Variants in SH3KBP1 observed in about 807,000 individuals in gnomAD.
SH3KBP1 encodes the protein SH3 domain-containing kinase-binding protein 1.
In SH3KBP1, 8 loss-of-function variants were observed where a neutral mutation model predicts 50.1. The observed-to-expected ratio is 0.16, with a 90% CI of 0.09 to 0.29. The LOEUF (loss-of-function observed/expected upper bound fraction) is 0.29, where lower values mean the gene tolerates loss of function less well. Ranked by LOEUF, SH3KBP1 falls within the 10% of genes least tolerant of loss-of-function variation. The probability of loss-of-function intolerance (pLI) is 1.00; values close to 1 mark genes in which losing one functional copy is unlikely to be tolerated. For synonymous variants in SH3KBP1, 227 were observed against 218.6 expected (o/e 1.04, Z -0.34); for missense variants, 377 against 535.2 (o/e 0.70, Z 2.92).
At position 19,631,941 on chromosome X, in the gene SH3KBP1, C is replaced by T. The variant is rs1414849151; in HGVS notation, c.820G>A (p.Val274Ile). Residue 274 changes from valine (V) to isoleucine (I), a missense_variant, in exon 8 of 18, where the codon GTA becomes ATA. By Grantham distance (29) the Val-to-Ile change is conservative. Coordinates refer to ENST00000397821, the MANE Select transcript of SH3KBP1 (RefSeq NM_031892.3). ...TTCTGTGCCTCATATGGAAATATTA[C>T]TTTGCAGTAATCCTTGCCTATAAGA... ...SRTKSKDYCKVIFPYEAQNDD... is the reference protein window; with the variant it reads ...SRTKSKDYCKIIFPYEAQNDD... 8.5e-7 allele frequency: 1 copy of T among 1,180,104 alleles called. No homozygotes were observed. The highest frequency in any genetic ancestry group is 1.1e-6 in the Non-Finnish European group (1 of 870,833).
In SH3KBP1 at chrX:19,592,157, A is replaced by G. The variant is rs748889986; in HGVS notation, c.1058-10T>C. On this transcript the variant is annotated splice_polypyrimidine_tract_variant and intron_variant, in intron 10 of 17. Transcript: ENST00000397821. ...TTTCTCTCAGTGGTGCCTAGGAGGG[A>G]AAGGGTAATAGTGATCACAAAATGT... 8.6e-7 allele frequency: 1 copy of G among 1,162,466 alleles called. No homozygotes were observed. The highest frequency in any genetic ancestry group is 2.2e-5 in the Admixed American group (1 of 45,837).
At position 19,687,736 on chromosome X, in the gene SH3KBP1, G is replaced by T. The variant is rs573148462; in HGVS notation, c.521-3708C>A. On this transcript the variant is annotated intron_variant, in intron 5 of 17. Coordinates refer to ENST00000397821, the MANE Select transcript of SH3KBP1 (RefSeq NM_031892.3). ...GAGAAGGGGAGAGAAAAACAAGAGAGGGGGGAGGAGGGAGCAAATGATGGC... is the reference window on the plus strand; with the variant it reads ...GAGAAGGGGAGAGAAAAACAAGAGATGGGGGAGGAGGGAGCAAATGATGGC... 5 of 977,919 alleles carry T rather than the reference G, an allele frequency of 5.1e-6. No homozygotes were observed. The Admixed American group carries it at 8.9e-5, about 17-fold the overall frequency. The allele number at this position is 977,919 out of a possible 1,213,427, so 80.6% of individuals were successfully genotyped here.
intron 13 of SH3KBP1, among the ~76,000 whole-genome samples, chrX:19,551,965 T>C (rs773050671): frequency 1.1e-3 from 119 of 111,554 alleles, no homozygotes; most frequent in African/African-American, 3.6e-3. Context: ...AAACACGAAA[T>C]TGTAACAACG....
intron 2 of SH3KBP1, among the ~76,000 whole-genome samples, chrX:19,833,203 G>A (rs758664066): frequency 1.9e-5 from 2 of 103,398 alleles, no homozygotes; most frequent in Admixed American, 2.1e-4. Context: ...TCCTTCCCAG[G>A]GCCCTCCTCC....
At position 19,777,717 on chromosome X, in the gene SH3KBP1, T is replaced by C. The variant is rs1436128194; in HGVS notation, c.163-31276A>G. Among the ~76,000 whole-genome samples, 4 of 111,008 alleles carry C rather than the reference T, an allele frequency of 3.6e-5. No homozygotes were observed. In the East Asian group the frequency reaches 1.1e-3, roughly 32 times the overall value. The stretch of plus-strand genomic sequence containing the variant: ...CCTTATTCTGCCTACTTGGAAGCAA[T>C]TGCAGGGGAAGAGGGGCAATGAGGG... On this transcript the variant is annotated intron_variant, in intron 2 of 17. Transcript: ENST00000397821.
intron 6 of SH3KBP1, among the ~76,000 whole-genome samples, chrX:19,672,971 T>G (rs2062836289): frequency 1.4e-5 from 1 of 71,916 alleles, no homozygotes; most frequent in Non-Finnish European, 2.4e-5. Flanking sequence ...GCAGAAGAAT[T>G]GCTTGAATCG....
chrX:19,688,290 A>G (rs976008744), intron 5 of SH3KBP1, among the ~76,000 whole-genome samples: 1 of 111,582 alleles, frequency 9.0e-6, no homozygotes, highest in African/African-American at 3.3e-5. Flanking sequence ...GGGTTTCACC[A>G]CTGAGGTTTG....
chrX:19,765,915 C>T (rs191783637), intron 2 of SH3KBP1, among the ~76,000 whole-genome samples: 1 of 112,098 alleles, frequency 8.9e-6, no homozygotes, highest in Non-Finnish European at 1.9e-5. Flanking sequence ...GAATGATATT[C>T]TGTTGTATAG....
intron 12 of SH3KBP1, among the ~76,000 whole-genome samples, chrX:19,572,351 T>C (rs1317560989): frequency 1.9e-5 from 2 of 106,149 alleles, no homozygotes; most frequent in African/African-American, 6.8e-5. Flanking sequence ...ATAGTACATA[T>C]ATATGTATAT....
intron 6 of SH3KBP1, among the ~76,000 whole-genome samples, chrX:19,675,332 A>G (rs974628226): frequency 9.0e-6 from 1 of 110,849 alleles, no homozygotes; most frequent in African/African-American, 3.3e-5. Flanking sequence ...TGAGTGGTTA[A>G]GTAACTTGTC....
intron 5 of SH3KBP1, among the ~76,000 whole-genome samples, chrX:19,687,932 T>C (rs1603010623): frequency 8.9e-6 from 1 of 112,140 alleles, no homozygotes; most frequent in Non-Finnish European, 1.9e-5. Context: ...AAATTGGGGC[T>C]TGCCTCTGCA....
At chrX:19,680,243 G>C (rs1445616520) in intron 6 of SH3KBP1, among the ~76,000 whole-genome samples, 1 of 109,831 alleles carries the variant, frequency 9.1e-6, no homozygotes, top group Admixed American at 9.7e-5. Context: ...AGCTGGGTGT[G>C]GTGGTGTGCA....
intron 1 of SH3KBP1, among the ~76,000 whole-genome samples, chrX:19,883,306 C>A (rs1242795529): frequency 8.9e-6 from 1 of 112,657 alleles, no homozygotes; most frequent in Non-Finnish European, 1.9e-5. Context: ...CCTTCTCTAA[C>A]ACTAAGTATT....
intron 8 of SH3KBP1, among the ~76,000 whole-genome samples, chrX:19,620,062 C>G (rs966801027): frequency 6.2e-5 from 7 of 112,192 alleles, no homozygotes; most frequent in Non-Finnish European, 1.3e-4. Flanking sequence ...GTTTAGAGAA[C>G]TGCATTGACT....
chrX:19,539,880 T>C (rs1329292333), intron 16 of SH3KBP1, among the ~76,000 whole-genome samples: 1 of 111,690 alleles, frequency 9.0e-6, no homozygotes, highest in Middle Eastern at 4.2e-3. Context: ...TCAAGAGATG[T>C]TGGCCGGGGA....
At chrX:19,554,224 C>A (rs1370046740) in intron 13 of SH3KBP1, among the ~76,000 whole-genome samples, 17 of 67,192 alleles carry the variant, frequency 2.5e-4, no homozygotes, top group African/African-American at 3.1e-4. Context: ...TATTATATAT[C>A]ATATTAAAAT....
At chrX:19,764,813 T>C (rs1217051329) in intron 2 of SH3KBP1, among the ~76,000 whole-genome samples, 1 of 104,969 alleles carries the variant, frequency 9.5e-6, no homozygotes, top group African/African-American at 3.5e-5. Flanking sequence ...GCGCTCCAAC[T>C]CTTTTTTTTT....
At chrX:19,588,899 C>A (rs2066653499) in intron 11 of SH3KBP1, 97 bp from the exon 12 acceptor site, 2 of 701,950 alleles carry the variant, frequency 2.8e-6, no homozygotes, top group African/African-American at 2.2e-5. Context: ...AAAAAAATTA[C>A]TGATGCTATT....
intron 2 of SH3KBP1, among the ~76,000 whole-genome samples, chrX:19,769,212 G>A (rs1399186394): frequency 9.3e-6 from 1 of 106,976 alleles, no homozygotes; most frequent in African/African-American, 3.4e-5. Flanking sequence ...AGCCTTCTGA[G>A]TAGCTGGGAC....
Sources: gnomAD v4.1 joint callset for allele counts (sites outside exome capture counted in the v4.1 genomes callset) on GRCh38, gnomAD v4.1.1 for gene constraint, MANE v1.5 for transcripts, NCBI Gene and HGNC (gene_info 2026-07-23, HGNC 2026-07-21) for gene names.